Variants in SPATA6 observed in about 807,000 individuals in gnomAD.
SPATA6 encodes spermatogenesis-associated protein 6.
Under a neutral mutation model 65.3 loss-of-function variants are expected in SPATA6, and 56 were observed. That is an observed-to-expected ratio of 0.86 (90% confidence interval 0.69 to 1.07). The LOEUF (loss-of-function observed/expected upper bound fraction) is 1.07, where lower values mean the gene tolerates loss of function less well. SPATA6 is among the 50% of genes least tolerant of loss of function. The pLI is 0.00. For synonymous variants in SPATA6, 199 were observed against 213.2 expected, an observed-to-expected ratio of 0.93 and a Z score of 0.58; for missense variants, 590 against 594.8, an observed-to-expected ratio of 0.99 and a Z score of 0.08.
At chr1:48,333,378 G>A (rs1482757612) in intron 11 of SPATA6, among the ~76,000 whole-genome samples, 1 of 152,140 alleles carries the variant, frequency 6.6e-6, no homozygotes, top group Non-Finnish European at 1.5e-5. Flanking sequence ...AGGCTGCACT[G>A]TTGGCTTCCC....
At chr1:48,434,143 A>C (rs956127233) in intron 3 of SPATA6, among the ~76,000 whole-genome samples, 12 of 152,266 alleles carry the variant, frequency 7.9e-5, no homozygotes, top group African/African-American at 2.9e-4. Context: ...CAACAGTCAT[A>C]AAAATGGTAA....
At chr1:48,279,665 C>T in the SPATA6 span, among the ~76,000 whole-genome samples, 1 of 152,166 alleles carries the variant, frequency 6.6e-6, no homozygotes, top group African/African-American at 2.4e-5. Flanking sequence ...AATACAGGAG[C>T]ATGCAGATTC....
chr1:48,369,210 G>A (rs112548215), intron 9 of SPATA6, among the ~76,000 whole-genome samples: 3,611 of 152,294 alleles, frequency 0.024, 39 homozygotes, highest in South Asian at 0.06. Flanking sequence ...CTACTGGGAG[G>A]TGCCTCCCAG....
intron 7 of SPATA6, 39 bp from the exon 8 acceptor site, chr1:48,395,393 A>C (rs762006792): frequency 7.1e-7 from 1 of 1,407,822 alleles, no homozygotes; most frequent in South Asian, 1.6e-5. Flanking sequence ...GAGAGTTTAA[A>C]CATTCCTAGA....
At chr1:48,364,186 T>TA (rs1157389852) in intron 9 of SPATA6, among the ~76,000 whole-genome samples, 1 of 152,268 alleles carries the variant, frequency 6.6e-6, no homozygotes, top group Non-Finnish European at 1.5e-5. Flanking sequence ...CACATTTTCT[T>TA]AATCCAATCT....
intron 1 of SPATA6, among the ~76,000 whole-genome samples, chr1:48,469,193 A>C (rs1658030044): frequency 3.9e-5 from 6 of 152,162 alleles, no homozygotes; most frequent in Admixed American, 3.9e-4. Flanking sequence ...TCATTATGTC[A>C]ATTTATTTTC....
chr1:48,389,155 G>A (rs188333528), intron 8 of SPATA6, among the ~76,000 whole-genome samples: 5 of 152,184 alleles, frequency 3.3e-5, no homozygotes, highest in Admixed American at 6.5e-5. Context: ...TACAAAATAC[G>A]TTTGAAAGCA....
At chr1:48,303,342 T>C (rs1644985193) in intron 12 of SPATA6, among the ~76,000 whole-genome samples, 1 of 152,134 alleles carries the variant, frequency 6.6e-6, no homozygotes, top group South Asian at 2.1e-4. Context: ...ATGGTCACCC[T>C]ACTGGGCTAT....
At chr1:48,384,306 G>A (rs1038921301) in intron 9 of SPATA6, among the ~76,000 whole-genome samples, 8 of 126,484 alleles carry the variant, frequency 6.3e-5, no homozygotes, top group Middle Eastern at 4.0e-3. Context: ...GCCTTGGCTC[G>A]GCATCAGAGG....
chr1:48,437,114 G>C, intron 3 of SPATA6: 1 of 1,597,940 alleles, frequency 6.3e-7, no homozygotes, highest in South Asian at 1.1e-5. Flanking sequence ...ATACTTTCAC[G>C]GTTGCCTCCT....
intron 11 of SPATA6, among the ~76,000 whole-genome samples, chr1:48,316,903 A>G (rs1450745769): frequency 6.6e-6 from 1 of 152,276 alleles, no homozygotes; most frequent in Non-Finnish European, 1.5e-5. Flanking sequence ...GAAGACATTT[A>G]TGCAGCCAAC....
chr1:48,426,452 G>A (rs1653846000), intron 3 of SPATA6, among the ~76,000 whole-genome samples: 1 of 151,828 alleles, frequency 6.6e-6, no homozygotes, highest in Non-Finnish European at 1.5e-5. Flanking sequence ...AAAACTATAG[G>A]GAATAGAATA....
Position 48,307,828 on chromosome 1 carries a change from G to A in SPATA6, c.1195-1950C>T, listed in dbSNP as rs182729190. On this transcript the variant is annotated intron_variant, in intron 11 of 12. Transcript: ENST00000371847. ...TTCCTGATGGTTTGGCCCTGTTGCC[G>A]TTATAAAATATTTTTATTTGTCTTT... 6.6e-5 allele frequency among the ~76,000 whole-genome samples: 10 copies of A among 151,750 alleles called. 1 individual carries two copies. The highest frequency in any genetic ancestry group is 4.2e-4 in the South Asian group (2 of 4,816).
intron 3 of SPATA6, among the ~76,000 whole-genome samples, chr1:48,429,454 C>A (rs959549797): frequency 1.4e-4 from 21 of 151,942 alleles, no homozygotes; most frequent in African/African-American, 4.8e-4. Flanking sequence ...ACAAAGACAG[C>A]CCATAACAAT....
intron 1 of SPATA6, among the ~76,000 whole-genome samples, chr1:48,465,554 T>C (rs1057072064): frequency 7.2e-5 from 11 of 152,090 alleles, no homozygotes; most frequent in African/African-American, 2.2e-4. Flanking sequence ...AACTAAACAA[T>C]AAACCAATAT....
At chr1:48,427,845 C>T (rs868272113) in intron 3 of SPATA6, among the ~76,000 whole-genome samples, 1 of 152,182 alleles carries the variant, frequency 6.6e-6, no homozygotes, top group South Asian at 2.1e-4. Context: ...GCACCTGTGA[C>T]AGCTATTAAT....
chr1:48,409,426 A>T (rs1329453321), intron 5 of SPATA6, among the ~76,000 whole-genome samples: 1 of 152,160 alleles, frequency 6.6e-6, no homozygotes, highest in African/African-American at 2.4e-5. Context: ...GAGTGTCTGC[A>T]GTTTTTTCCA....
the SPATA6 span, among the ~76,000 whole-genome samples, chr1:48,281,512 G>A: frequency 8.5e-5 from 13 of 152,170 alleles, no homozygotes; most frequent in East Asian, 1.9e-3. Flanking sequence ...CAATGTACAA[G>A]AATCACAAGT....
intron 3 of SPATA6, among the ~76,000 whole-genome samples, chr1:48,434,523 G>C (rs1185419399): frequency 2.0e-5 from 3 of 152,146 alleles, no homozygotes; most frequent in African/African-American, 7.2e-5. Context: ...ATTGACCAAA[G>C]AGGGGTGCTG....
Sources: gnomAD v4.1 joint callset for allele counts (sites outside exome capture counted in the v4.1 genomes callset) on GRCh38, gnomAD v4.1.1 for gene constraint, MANE v1.5 for transcripts, NCBI Gene and HGNC (gene_info 2026-07-23, HGNC 2026-07-21) for gene names.